Variants in RAB38 observed in about 807,000 individuals in gnomAD.
The protein encoded by RAB38 is ras-related protein Rab-38.
In RAB38, 15 loss-of-function variants were observed where a neutral mutation model predicts 18.4. The observed-to-expected ratio is 0.82, with a 90% CI of 0.55 to 1.26. The LOEUF (loss-of-function observed/expected upper bound fraction) is 1.26, where lower values mean the gene tolerates loss of function less well. Ranked by LOEUF, RAB38 falls within the 50% of genes most tolerant of loss-of-function variation. RAB38 has a pLI of 0.00. For missense variants in RAB38, 294 were observed against 267.4 expected, an observed-to-expected ratio of 1.10 and a Z score of -0.69; for synonymous variants, 101 against 104.4, an observed-to-expected ratio of 0.97 and a Z score of 0.20.
At chr11:87,919,357 G>C in the RAB38 span, among the ~76,000 whole-genome samples, 2 of 151,578 alleles carry the variant, frequency 1.3e-5, no homozygotes, top group African/African-American at 4.9e-5. Context: ...CATCTGTTGA[G>C]ATTATCATAG....
chr11:88,152,417 A>G (rs1389837036), intron 1 of RAB38, among the ~76,000 whole-genome samples: 2 of 152,014 alleles, frequency 1.3e-5, no homozygotes, highest in South Asian at 2.1e-4. Flanking sequence ...AAAGGAAAAT[A>G]TGTGTGTGTG....
the RAB38 span, among the ~76,000 whole-genome samples, chr11:87,855,834 T>C: frequency 5.3e-5 from 8 of 152,292 alleles, no homozygotes; most frequent in Admixed American, 2.6e-4. Flanking sequence ...GACAGTTCTC[T>C]CAGTTGATTA....
chr11:88,157,678 C>T (rs140437337), intron 1 of RAB38, among the ~76,000 whole-genome samples: 1 of 152,148 alleles, frequency 6.6e-6, no homozygotes, highest in African/African-American at 2.4e-5. Context: ...GAAAGCATTA[C>T]CGAAATCTCT....
At chr11:87,933,309 T>TCA in the RAB38 span, among the ~76,000 whole-genome samples, 2 of 152,148 alleles carry the variant, frequency 1.3e-5, no homozygotes, top group African/African-American at 4.8e-5. Flanking sequence ...ACTGGTATCC[T>TCA]CATTTTCCTC....
intron 1 of RAB38, among the ~76,000 whole-genome samples, chr11:88,165,150 A>T (rs1304498186): frequency 3.9e-5 from 6 of 152,182 alleles, no homozygotes; most frequent in Non-Finnish European, 7.4e-5. Context: ...ACCTTCTAAA[A>T]GCAATGTATA....
the RAB38 span, among the ~76,000 whole-genome samples, chr11:87,871,362 A>T: frequency 6.6e-6 from 1 of 151,636 alleles, no homozygotes; most frequent in Non-Finnish European, 1.5e-5. Flanking sequence ...CTTCATGTGA[A>T]AAAGACTACA....
the RAB38 span, among the ~76,000 whole-genome samples, chr11:87,963,580 C>T: frequency 1.3e-5 from 2 of 151,644 alleles, no homozygotes; most frequent in Non-Finnish European, 2.9e-5. Context: ...AAAATACAAG[C>T]AGAGTTAAAA....
At chr11:88,099,077 T>G in the RAB38 span, among the ~76,000 whole-genome samples, 1 of 151,936 alleles carries the variant, frequency 6.6e-6, no homozygotes, top group Admixed American at 6.6e-5. Context: ...TATGTTTGTT[T>G]TATTTCTAAT....
chr11:88,028,365 C>G, the RAB38 span, among the ~76,000 whole-genome samples: 1 of 152,124 alleles, frequency 6.6e-6, no homozygotes, highest in African/African-American at 2.4e-5. Context: ...AGAAACGGAA[C>G]AAAGCTGGAA....
At chr11:88,026,157 G>T in the RAB38 span, among the ~76,000 whole-genome samples, 1 of 151,900 alleles carries the variant, frequency 6.6e-6, no homozygotes, top group Non-Finnish European at 1.5e-5. Flanking sequence ...TAGAGACAGG[G>T]TTTCACCATG....
At chr11:87,892,331 G>T in the RAB38 span, among the ~76,000 whole-genome samples, 1 of 151,746 alleles carries the variant, frequency 6.6e-6, no homozygotes. Context: ...AAAAAATTTT[G>T]CCTGAAAAAT....
the RAB38 span, among the ~76,000 whole-genome samples, chr11:87,942,986 C>T: frequency 5.3e-5 from 8 of 151,996 alleles, no homozygotes; most frequent in African/African-American, 9.7e-5. Flanking sequence ...AGTCCAATAG[C>T]GGGGCTCTAA....
chr11:88,043,967 T>A, the RAB38 span, among the ~76,000 whole-genome samples: 1 of 152,230 alleles, frequency 6.6e-6, no homozygotes, highest in African/African-American at 2.4e-5. Flanking sequence ...ACCTTTTTTT[T>A]ACTCTCTTCT....
At chr11:87,852,961 T>C in the RAB38 span, among the ~76,000 whole-genome samples, 1 of 146,828 alleles carries the variant, frequency 6.8e-6, no homozygotes, top group African/African-American at 2.6e-5. Context: ...TGCATATGAC[T>C]AAGCAAGACA....
the RAB38 span, among the ~76,000 whole-genome samples, chr11:88,051,710 A>T: frequency 6.6e-6 from 1 of 152,242 alleles, no homozygotes; most frequent in Non-Finnish European, 1.5e-5. Flanking sequence ...TAAAGCAGGC[A>T]TTATAAAATT....
chr11:87,977,505 G>T, the RAB38 span, among the ~76,000 whole-genome samples: 2 of 85,316 alleles, frequency 2.3e-5, no homozygotes, highest in South Asian at 3.4e-4. Flanking sequence ...AATTTTATAT[G>T]ATTATGTAAT....
the RAB38 span, among the ~76,000 whole-genome samples, chr11:88,070,140 T>G: frequency 1.3e-5 from 2 of 152,144 alleles, no homozygotes; most frequent in Admixed American, 1.3e-4. Context: ...CCACACTGCT[T>G]TATGAGCTGT....
the RAB38 span, among the ~76,000 whole-genome samples, chr11:88,008,680 C>T: frequency 1.3e-5 from 2 of 152,072 alleles, no homozygotes; most frequent in African/African-American, 4.8e-5. Context: ...AGTTTCTTTT[C>T]TTTTTTCTTT....
the RAB38 span, among the ~76,000 whole-genome samples, chr11:87,976,179 T>C: frequency 2.7e-5 from 4 of 147,862 alleles, no homozygotes; most frequent in South Asian, 6.3e-4. Flanking sequence ...TATAGGTATA[T>C]ATAGGTATAT....
Sources: allele counts gnomAD v4.1 joint callset (sites outside exome capture counted in the v4.1 genomes callset), GRCh38; gene constraint gnomAD v4.1.1; transcripts MANE v1.5; gene names NCBI Gene and HGNC (gene_info 2026-07-23, HGNC 2026-07-21).